The following FMC1 variants were observed in gnomAD, a reference collection of about 807,000 sequenced individuals.
The protein encoded by FMC1 is formation of mitochondrial complex V assembly factor 1.
A neutral mutation model predicts 10.5 loss-of-function variants in FMC1; 6 were observed. That is an observed-to-expected ratio of 0.57 (90% CI 0.31 to 1.12). The LOEUF (loss-of-function observed/expected upper bound fraction) is 1.12, where lower values mean the gene tolerates loss of function less well. FMC1 is among the 50% of genes most tolerant of loss of function. The pLI is 0.05. For missense variants in FMC1, 146 were observed against 151.7 expected, an observed-to-expected ratio of 0.96 and a Z score of 0.20; for synonymous variants, 59 against 62.1, an observed-to-expected ratio of 0.95 and a Z score of 0.24.
rs775661768 is a variant in FMC1, at chr7:139,343,664, G to GT, written c.139-1836dup. 4.1e-4 allele frequency among the ~76,000 whole-genome samples: 63 copies of GT among 152,282 alleles called. 1 individual carries two copies. The highest frequency in any genetic ancestry group is 3.4e-3 in the Middle Eastern group (1 of 294). On this transcript the variant is annotated intron_variant, in intron 1 of 1. Coordinates refer to ENST00000297534, the MANE Select transcript of FMC1 (RefSeq NM_197964.5). ...GAGAAAGGGGATTAGGCCAGGAGCG[G>GT]TGGCTCACACCTGTAATCCCAGCAC...
In FMC1 at chr7:139,345,647, T is replaced by C; in HGVS notation, c.285T>C (p.Ala95=). The part of the protein sequence containing the change: ...GKGERSVEES[A]GLVGLKLPHQ... ...GTGAGCGCTCGGTGGAGGAGTCTGC[T>C]GGCTTGGTGGGTCTCAAGTTGCCCC... Residue 95 remains alanine, a synonymous_variant, in exon 2 of 2, where the codon GCT becomes GCC. Coordinates refer to ENST00000297534, the MANE Select transcript of FMC1 (RefSeq NM_197964.5). The C allele has an allele frequency of 6.2e-7, 1 of 1,614,142 alleles. No individual in the cohort carries two copies. The highest frequency in any genetic ancestry group is 8.5e-7 in the Non-Finnish European group (1 of 1,180,020).
chr7:139,340,616 T>C (rs1184169604), upstream of FMC1: 2 of 396,814 alleles, frequency 5.0e-6, no homozygotes, highest in African/African-American at 4.1e-5. Context: ...TTTCGTGGGA[T>C]AGGGTAAGGC....
At position 139,345,485 on chromosome 7, in the gene FMC1, C is replaced by A. The variant is rs1349463110; in HGVS notation, c.139-16C>A. On this transcript the variant is annotated splice_polypyrimidine_tract_variant and intron_variant, in intron 1 of 1. Coordinates refer to ENST00000297534, the MANE Select transcript of FMC1 (RefSeq NM_197964.5). ...CTCTAGCTGGGTTAAGAATTTCTGA[C>A]TTGCTGCTTCTCTAGGTCACCAGTG... 6.2e-7 allele frequency: 1 copy of A among 1,614,006 alleles called. No homozygotes were observed.
At position 139,345,876 on chromosome 7, in the gene FMC1, A is replaced by T; in HGVS notation, c.*172A>T. The stretch of plus-strand genomic sequence containing the variant: ...ATCTTTACTCTCAGTGAATTTACTG[A>T]ACTTTTTGCACTAGACTGATGTTGT... On this transcript the variant is annotated 3_prime_UTR_variant, in exon 2 of 2. Coordinates refer to ENST00000297534, the MANE Select transcript of FMC1 (RefSeq NM_197964.5). 1.4e-6 allele frequency: 1 copy of T among 734,962 alleles called. No individual in the cohort carries two copies. The highest frequency in any genetic ancestry group is 2.0e-6 in the Non-Finnish European group (1 of 492,982). 45.5% of individuals were successfully genotyped at this position (734,962 alleles called of 1,614,324 possible).
upstream of FMC1, chr7:139,340,724 C>CT (rs1798898427): frequency 2.6e-6 from 1 of 385,778 alleles, no homozygotes; most frequent in Non-Finnish European, 4.6e-6. Context: ...ATGGATAAGG[C>CT]ATTGGCCTCC....
rs35223286 is a variant in FMC1, at chr7:139,346,045, C to G, written c.*341C>G. ...CTGAGGTTGGGAGTTCGCGACCAGCCTGACCAACATGGAAAAACCCCGTCT... is the reference window on the plus strand; with the variant it reads ...CTGAGGTTGGGAGTTCGCGACCAGCGTGACCAACATGGAAAAACCCCGTCT... On this transcript the variant is annotated 3_prime_UTR_variant, in exon 2 of 2. Transcript: ENST00000297534. 388 of 166,184 alleles carry G rather than the reference C, an allele frequency of 2.3e-3. 2 individuals carry two copies. Among genetic ancestry groups the G allele is most frequent in the Admixed American group, 6.4e-3 (103 of 16,212 alleles). 10.3% of individuals were successfully genotyped at this position (166,184 alleles called of 1,614,324 possible).
Position 139,345,579 on chromosome 7 carries a change from A to G in FMC1, c.217A>G (p.Ile73Val), listed in dbSNP as rs543577066. The G allele has an allele frequency of 1.2e-6, 2 of 1,614,088 alleles. No individual in the cohort carries two copies. The highest frequency in any genetic ancestry group is 1.7e-6 in the Non-Finnish European group (2 of 1,180,022). ...CACCTATCTCTGCCTCCTGCGTAGC[A>G]TCCGGAAACATGTGGCCCTACATCA... is the stretch of plus-strand genomic sequence containing the variant. ...AATYLCLLRSIRKHVALHQEF... is the reference protein window; with the variant it reads ...AATYLCLLRSVRKHVALHQEF... The change falls in exon 2 of 2, where the codon ATC (isoleucine) becomes GTC (valine). Residue 73 changes from isoleucine to valine, a missense_variant. Physicochemically the swap from Ile to Val is conservative, Grantham distance 29. Transcript: ENST00000297534.
upstream of FMC1, among the ~76,000 whole-genome samples, chr7:139,340,775 C>G (rs148308968): frequency 4.6e-5 from 7 of 151,906 alleles, no homozygotes; most frequent in East Asian, 1.9e-4. Context: ...CTGGGGTGGC[C>G]TGTGACTTTT....
chr7:139,341,503 A>G lies in FMC1; in HGVS notation c.119A>G (p.Lys40Arg), dbSNP rs146144422. 2.5e-4 allele frequency: 410 copies of G among 1,613,552 alleles called. 6 individuals are homozygous for G. In the African/African-American group the frequency reaches 5.1e-3, roughly 20 times the overall value. The change falls in exon 1 of 2, where the codon AAG becomes AGG. Residue 40 changes from lysine (K) to arginine (R), a missense_variant. Transcript: ENST00000297534. ...RDTAAYRYLV[K>R]AFRAHRVTSE... ...ACCGCGGCCTATCGGTACCTTGTGA[A>G]GGCTTTCCGTGCACATCGGGTACGG...
rs544455569 is a variant in FMC1 at position 139,341,490 on chromosome 7, C to G, written c.106C>G (p.Arg36Gly). 1 of 1,613,660 alleles carries G rather than the reference C, an allele frequency of 6.2e-7. No homozygotes were observed. The highest frequency in any genetic ancestry group is 1.7e-5 in the Admixed American group (1 of 60,002). The change falls in exon 1 of 2, where the codon CGG becomes GGG. Residue 36 changes from arginine (R) to glycine (G), a missense_variant. Transcript: ENST00000297534. The part of the protein sequence containing the change: ...GRPYRDTAAY[R>G]YLVKAFRAHR... ...ACCCTATCGCGACACCGCGGCCTAT[C>G]GGTACCTTGTGAAGGCTTTCCGTGC...
At chr7:139,340,779 G>A (rs140608203), upstream of FMC1, among the ~76,000 whole-genome samples, 266 of 151,726 alleles carry the variant, frequency 1.8e-3, 3 homozygotes, top group African/African-American at 5.8e-3. Context: ...GGTGGCCTGT[G>A]ACTTTTGTCC....
At chr7:139,341,044 C>T (rs1798924156), upstream of FMC1, 1 of 230,118 alleles carries the variant, frequency 4.3e-6, no homozygotes. Context: ...ACCCACACCC[C>T]CCGCCGGGCC....
upstream of FMC1, chr7:139,341,122 C>G: frequency 2.5e-6 from 1 of 398,696 alleles, no homozygotes; most frequent in Non-Finnish European, 4.2e-6. Context: ...AAGAAAAGCC[C>G]CTGTTTCCCC....
intron 1 of FMC1, among the ~76,000 whole-genome samples, chr7:139,344,240 C>T (rs574818293): frequency 2.0e-4 from 31 of 152,208 alleles, no homozygotes; most frequent in African/African-American, 7.0e-4. Context: ...ATTGTAAGAG[C>T]GAGAATAGCC....
At chr7:139,342,056 G>A (rs1345315612) in intron 1 of FMC1, among the ~76,000 whole-genome samples, 1 of 152,156 alleles carries the variant, frequency 6.6e-6, no homozygotes, top group Non-Finnish European at 1.5e-5. Context: ...ACGATCAACT[G>A]TCGAATTTCT....
intron 1 of FMC1, among the ~76,000 whole-genome samples, chr7:139,343,656 CAGG>C (rs1799111623): frequency 6.6e-6 from 1 of 152,132 alleles, no homozygotes; most frequent in Admixed American, 6.5e-5. Context: ...GGGATTAGGC[CAGG>C]AGCGGTGGCT....
intron 1 of FMC1, among the ~76,000 whole-genome samples, chr7:139,343,926 C>CAA (rs1163028006): frequency 3.1e-4 from 32 of 104,806 alleles, no homozygotes; most frequent in East Asian, 2.2e-3. Context: ...ACCCTGTCCC[C>CAA]AAAAAAAAAA....
At chr7:139,340,490 C>G, upstream of FMC1, 1 of 398,568 alleles carries the variant, frequency 2.5e-6, no homozygotes, top group Non-Finnish European at 4.4e-6. Flanking sequence ...GCCCGTTCAA[C>G]GTCCGGAGCA....
chr7:139,342,417 GA>G (rs1188404656), intron 1 of FMC1, among the ~76,000 whole-genome samples: 1 of 152,174 alleles, frequency 6.6e-6, no homozygotes, highest in Non-Finnish European at 1.5e-5. Context: ...CCCAAGGGGA[GA>G]AAAATTGCCA....
Sources: gnomAD v4.1 joint callset for allele counts (sites outside exome capture counted in the v4.1 genomes callset) on GRCh38, gnomAD v4.1.1 for gene constraint, MANE v1.5 for transcripts, NCBI Gene and HGNC (gene_info 2026-07-23, HGNC 2026-07-21) for gene names.